Variants in PIK3C2G observed in about 807,000 individuals in gnomAD.
PIK3C2G encodes phosphatidylinositol-4-phosphate 3-kinase catalytic subunit type 2 gamma, also known as phosphatidylinositol 3-kinase C2 domain-containing subunit gamma.
Under a neutral mutation model 181.1 loss-of-function variants are expected in PIK3C2G, and 168 were observed. The observed-to-expected ratio is 0.93, with a 90% confidence interval of 0.82 to 1.05. The LOEUF is 1.05. PIK3C2G is among the 50% of genes least tolerant of loss of function. The probability of loss-of-function intolerance (pLI) is 0.00; values close to 1 mark genes in which losing one functional copy is unlikely to be tolerated. For synonymous variants in PIK3C2G, 573 were observed against 592.2 expected (o/e 0.97, Z 0.47); for missense variants, 1,869 against 1,732.8 (o/e 1.08, Z -1.40).
chr12:18,369,013 A>G (rs1941837468), intron 12 of PIK3C2G, among the ~76,000 whole-genome samples: 1 of 152,138 alleles, frequency 6.6e-6, no homozygotes, highest in Admixed American at 6.5e-5. Context: ...CTCAGTCCGC[A>G]CCTTTCAGTT....
chr12:18,515,604 T>C (rs765575704), intron 24 of PIK3C2G, among the ~76,000 whole-genome samples: 4 of 151,998 alleles, frequency 2.6e-5, no homozygotes, highest in Admixed American at 6.6e-5. Context: ...TTGTCTTTGC[T>C]CTTTTTTTCT....
intron 5 of PIK3C2G, among the ~76,000 whole-genome samples, chr12:18,295,764 T>C (rs920754242): frequency 6.6e-6 from 1 of 152,056 alleles, no homozygotes; most frequent in African/African-American, 2.4e-5. Context: ...ATTTGCATAT[T>C]ATTTAAGAGT....
At chr12:18,393,401 C>T (rs923444328) in intron 15 of PIK3C2G, among the ~76,000 whole-genome samples, 1 of 152,006 alleles carries the variant, frequency 6.6e-6, no homozygotes, top group Non-Finnish European at 1.5e-5. Context: ...CCCAGTACCA[C>T]ATTTTATCAT....
intron 16 of PIK3C2G, among the ~76,000 whole-genome samples, chr12:18,419,141 A>G (rs1185753826): frequency 2.0e-5 from 3 of 152,160 alleles, no homozygotes; most frequent in Non-Finnish European, 4.4e-5. Flanking sequence ...GGACACATCT[A>G]TGAACAAAAC....
intron 18 of PIK3C2G, among the ~76,000 whole-genome samples, chr12:18,451,565 T>C (rs1443567669): frequency 6.6e-6 from 1 of 152,220 alleles, no homozygotes; most frequent in Non-Finnish European, 1.5e-5. Context: ...ATATTGTTTA[T>C]TTCTTTCTCT....
the PIK3C2G span, among the ~76,000 whole-genome samples, chr12:18,675,834 T>C: frequency 1.3e-5 from 2 of 150,470 alleles, no homozygotes; most frequent in Non-Finnish European, 3.0e-5. Flanking sequence ...AATGAACAGA[T>C]AGGTAAATAA....
At chr12:18,246,273 T>A (rs1469073134), upstream of PIK3C2G, among the ~76,000 whole-genome samples, 1 of 152,116 alleles carries the variant, frequency 6.6e-6, no homozygotes, top group African/African-American at 2.4e-5. Context: ...TGGTTAAATA[T>A]ACCAAATTTC....
At chr12:18,655,179 A>C in the PIK3C2G span, among the ~76,000 whole-genome samples, 1 of 152,178 alleles carries the variant, frequency 6.6e-6, no homozygotes, top group African/African-American at 2.4e-5. Flanking sequence ...TCATACGGTG[A>C]AAATATTAAT....
chr12:18,634,008 G>A (rs966346560), intron 31 of PIK3C2G, among the ~76,000 whole-genome samples: 4 of 152,088 alleles, frequency 2.6e-5, no homozygotes, highest in East Asian at 1.9e-4. Flanking sequence ...CAGAGAAAGC[G>A]CCATATATTG....
intron 8 of PIK3C2G, among the ~76,000 whole-genome samples, chr12:18,336,416 T>G (rs1938538288): frequency 6.6e-6 from 1 of 152,132 alleles, no homozygotes; most frequent in African/African-American, 2.4e-5. Flanking sequence ...AATAGTGAGA[T>G]TGTTGTCTTT....
chr12:18,373,746 G>T (rs539763798), intron 13 of PIK3C2G, among the ~76,000 whole-genome samples: 10 of 151,964 alleles, frequency 6.6e-5, no homozygotes, highest in African/African-American at 2.4e-4. Flanking sequence ...CCAGCTACTC[G>T]GGAGGCTGAG....
chr12:18,593,848 CTTAA>C (rs1289084004), intron 29 of PIK3C2G, among the ~76,000 whole-genome samples: 1 of 151,692 alleles, frequency 6.6e-6, no homozygotes, highest in Non-Finnish European at 1.5e-5. Flanking sequence ...GTTTTCTCCA[CTTAA>C]TTGTGTTCTA....
chr12:18,247,344 C>T (rs1948050681), upstream of PIK3C2G, among the ~76,000 whole-genome samples: 1 of 152,128 alleles, frequency 6.6e-6, no homozygotes, highest in African/African-American at 2.4e-5. Context: ...GAAACAGCTA[C>T]GTTATCTGGG....
intron 30 of PIK3C2G, among the ~76,000 whole-genome samples, chr12:18,608,901 G>T (rs1023404092): frequency 2.0e-5 from 3 of 152,062 alleles, no homozygotes; most frequent in Non-Finnish European, 4.4e-5. Context: ...TGGATTCTGT[G>T]CAGGGGGTGG....
At chr12:18,689,221 G>T in the PIK3C2G span, among the ~76,000 whole-genome samples, 2 of 151,978 alleles carry the variant, frequency 1.3e-5, no homozygotes, top group Non-Finnish European at 2.9e-5. Context: ...CACTTTACAG[G>T]TAATAGACCC....
At chr12:18,414,164 A>G (rs1324641574) in intron 16 of PIK3C2G, among the ~76,000 whole-genome samples, 1 of 152,140 alleles carries the variant, frequency 6.6e-6, no homozygotes, top group Non-Finnish European at 1.5e-5. Flanking sequence ...TCACGCAACA[A>G]TGTATACTCT....
intron 7 of PIK3C2G, among the ~76,000 whole-genome samples, chr12:18,324,665 A>C (rs1178431442): frequency 6.6e-6 from 1 of 152,178 alleles, no homozygotes; most frequent in African/African-American, 2.4e-5. Flanking sequence ...GCAATTCTCT[A>C]CAAGATATGC....
intron 31 of PIK3C2G, among the ~76,000 whole-genome samples, chr12:18,627,746 A>G (rs1286143062): frequency 1.3e-5 from 2 of 152,210 alleles, no homozygotes; most frequent in African/African-American, 4.8e-5. Flanking sequence ...AAAAACTGCA[A>G]TGTGACAGGC....
intron 30 of PIK3C2G, among the ~76,000 whole-genome samples, chr12:18,595,322 ATGT>A (rs1469446053): frequency 2.0e-5 from 3 of 152,100 alleles, no homozygotes; most frequent in Non-Finnish European, 1.5e-5. Flanking sequence ...AAATAGGTGT[ATGT>A]TGTTAAATGA....
Sources: gnomAD v4.1 joint callset for allele counts (sites outside exome capture counted in the v4.1 genomes callset) on GRCh38, gnomAD v4.1.1 for gene constraint, MANE v1.5 for transcripts, NCBI Gene and HGNC (gene_info 2026-07-23, HGNC 2026-07-21) for gene names.